The following ANK2 variants were observed in gnomAD, a reference collection of about 807,000 sequenced individuals.
The protein encoded by ANK2 is ankyrin 2.
A neutral mutation model predicts 360.5 loss-of-function variants in ANK2; 83 were observed. The observed-to-expected ratio is 0.23, with a 90% CI of 0.19 to 0.28. ANK2 has a LOEUF of 0.28. Among genes scored for constraint, ANK2 ranks in the 10% least tolerant of loss-of-function variants. ANK2 has a pLI of 1.00. For synonymous variants in ANK2, 1,740 were observed against 1,759.5 expected, an observed-to-expected ratio of 0.99 and a Z score of 0.28; for missense variants, 4,201 against 4,795.7, an observed-to-expected ratio of 0.88 and a Z score of 3.66.
rs2099331332 is a variant in ANK2 at position 113,233,104 on chromosome 4, CTGTTTTTTTTTTTTTTTTTTTT to C, written c.483+847_483+868del. ...ACCAGAGTATATGGGCTTGGCTTTTCTGTTTTTTTTTTTTTTTTTTTTTTTTTTTTTTTTTTTTTTTTTTTTT... is the reference window on the plus strand; with the variant it reads ...ACCAGAGTATATGGGCTTGGCTTTTCTTTTTTTTTTTTTTTTTTTTTTTTT... On this transcript the variant is annotated intron_variant, in intron 5 of 45. Transcript: ENST00000357077. Among the ~76,000 whole-genome samples the C allele has an allele frequency of 2.7e-4, 8 of 29,300 alleles. 1 individual carries two copies. The highest frequency in any genetic ancestry group is 0.017 in the Middle Eastern group (1 of 60). 19.2% of individuals were successfully genotyped at this position (29,300 alleles called of 152,430 possible).
At chr4:113,217,121 C>T (rs1046910856) in intron 4 of ANK2, 2 of 152,188 alleles carry the variant, frequency 1.3e-5, no homozygotes, top group Admixed American at 6.5e-5. Flanking sequence ...GCCACCGGTA[C>T]ACTAGACAGC....
At chr4:113,332,199 C>A in intron 28 of ANK2, 129 bp downstream of exon 28, 3 of 870,282 alleles carry the variant, frequency 3.4e-6, no homozygotes, top group Non-Finnish European at 3.8e-6. Context: ...TTCTGTATAA[C>A]CTATCTTTAG....
intron 1 of ANK2, among the ~76,000 whole-genome samples, chr4:112,862,879 C>G (rs1162598053): frequency 6.6e-6 from 1 of 151,292 alleles, no homozygotes; most frequent in Non-Finnish European, 1.5e-5. Flanking sequence ...GCAAGACTCT[C>G]TCTCTTAAAA....
In ANK2 at chr4:112,872,638, A is replaced by G. The variant is rs1459706892; in HGVS notation, c.-39-31817A>G. On this transcript the variant is annotated intron_variant, in intron 1 of 30. Transcript: ENST00000503271. ...AGGCATGAGCCACCACACCTGGTGC[A>G]TCTGTATTCTTAAGGGATATTCTTC... Among the ~76,000 whole-genome samples, 4 of 152,264 alleles carry G rather than the reference A, an allele frequency of 2.6e-5. No individual in the cohort carries two copies. The East Asian group carries it at 7.7e-4, about 29-fold the overall frequency.
At chr4:113,093,358 T>A (rs1280159855) in intron 1 of ANK2, among the ~76,000 whole-genome samples, 1 of 152,122 alleles carries the variant, frequency 6.6e-6, no homozygotes, top group Non-Finnish European at 1.5e-5. Flanking sequence ...TATTTATATT[T>A]ATTTTATTTA....
At position 113,277,838 on chromosome 4, in the gene ANK2, A is replaced by G. The variant is rs2153698297; in HGVS notation, c.1685A>G (p.Lys562Arg). ...TACTTTTGTTTCTCACATTTTCAGA[A>G]GGGTTTTACTCCCCTGCATGTAGCA... ...AGAAHSLATK[K>R]GFTPLHVAAK... The change falls in exon 16 of 46, where the codon AAG (lysine) becomes AGG (arginine). Residue 562 changes from lysine to arginine, a missense_variant and splice_region_variant. This residue lies in a region of ANK2 where 1,268 missense variants were observed against 1,650.8 expected (regional missense o/e 0.77). Coordinates refer to ENST00000357077, the MANE Select transcript of ANK2 (RefSeq NM_001148.6). 6.2e-7 allele frequency: 1 copy of G among 1,610,458 alleles called. No individual in the cohort carries two copies. The highest frequency in any genetic ancestry group is 8.5e-7 in the Non-Finnish European group (1 of 1,176,636).
intron 1 of ANK2, among the ~76,000 whole-genome samples, chr4:113,120,870 A>G (rs1367121098): frequency 6.6e-6 from 1 of 152,134 alleles, no homozygotes; most frequent in Non-Finnish European, 1.5e-5. Flanking sequence ...ATATTTAAAT[A>G]ATATTTATCA....
chr4:113,096,610 C>T (rs949078979), intron 1 of ANK2, among the ~76,000 whole-genome samples: 8 of 152,150 alleles, frequency 5.3e-5, no homozygotes, highest in East Asian at 3.9e-4. Flanking sequence ...TTCTATTGGT[C>T]ATCACATAGT....
At chr4:113,109,952 T>C (rs1182866304) in intron 1 of ANK2, among the ~76,000 whole-genome samples, 3 of 152,200 alleles carry the variant, frequency 2.0e-5, no homozygotes, top group Admixed American at 2.0e-4. Flanking sequence ...CTAAAGAAGA[T>C]TTTATTTAAT....
the ANK2 span, among the ~76,000 whole-genome samples, chr4:112,769,394 G>A: frequency 6.6e-6 from 1 of 152,158 alleles, no homozygotes; most frequent in African/African-American, 2.4e-5. Context: ...ATAGGTTAAA[G>A]GGTATACATA....
At chr4:112,932,276 G>A (rs2093317792) in intron 2 of ANK2, among the ~76,000 whole-genome samples, 3 of 152,072 alleles carry the variant, frequency 2.0e-5, no homozygotes, top group Non-Finnish European at 2.9e-5. Context: ...CGGATCACCT[G>A]AGGTCAGGAG....
chr4:112,737,656 G>A, the ANK2 span, among the ~76,000 whole-genome samples: 7 of 152,154 alleles, frequency 4.6e-5, no homozygotes, highest in African/African-American at 1.7e-4. Flanking sequence ...TGGGAGAAGT[G>A]GTTCAGTTCT....
chr4:113,341,357 A>C (rs2094279041), intron 32 of ANK2, among the ~76,000 whole-genome samples: 1 of 152,276 alleles, frequency 6.6e-6, no homozygotes, highest in African/African-American at 2.4e-5. Flanking sequence ...AAAGGATTCC[A>C]AAACACTAAA....
intron 14 of ANK2, among the ~76,000 whole-genome samples, chr4:113,269,314 C>T (rs573432718): frequency 6.6e-6 from 1 of 152,144 alleles, no homozygotes; most frequent in East Asian, 1.9e-4. Context: ...CCAGGCGCCA[C>T]GGTGGTATGA....
At chr4:112,741,409 T>G in the ANK2 span, among the ~76,000 whole-genome samples, 1 of 152,220 alleles carries the variant, frequency 6.6e-6, no homozygotes, top group Non-Finnish European at 1.5e-5. Context: ...ATAGCCATCC[T>G]GACAAAGCAA....
At chr4:112,967,629 G>A (rs989709008) in intron 2 of ANK2, among the ~76,000 whole-genome samples, 1 of 152,152 alleles carries the variant, frequency 6.6e-6, no homozygotes, top group Non-Finnish European at 1.5e-5. Context: ...AAAATTTGTA[G>A]TAAGTCAAAA....
At chr4:112,852,870 G>A (rs1228157669) in intron 1 of ANK2, among the ~76,000 whole-genome samples, 4 of 152,296 alleles carry the variant, frequency 2.6e-5, no homozygotes, top group East Asian at 3.9e-4. Flanking sequence ...AAGACAGATC[G>A]TCGTCTAGGC....
intron 45 of ANK2, among the ~76,000 whole-genome samples, chr4:113,378,460 G>A (rs980162527): frequency 6.6e-6 from 1 of 152,186 alleles, no homozygotes; most frequent in African/African-American, 2.4e-5. Flanking sequence ...CAACTTAGTT[G>A]AAGCCAGCCT....
chr4:113,055,857 G>T (rs1056383157), intron 1 of ANK2, among the ~76,000 whole-genome samples: 2 of 152,156 alleles, frequency 1.3e-5, no homozygotes, highest in African/African-American at 4.8e-5. Flanking sequence ...CTCTTGCAAA[G>T]ATTCTGTGGT....
Sources: allele counts gnomAD v4.1 joint callset (sites outside exome capture counted in the v4.1 genomes callset), GRCh38; gene constraint gnomAD v4.1.1; regional missense constraint gnomAD v4.1.1; transcripts MANE v1.5; gene names NCBI Gene and HGNC (gene_info 2026-07-23, HGNC 2026-07-21).